NTM: variants seen among roughly 807,000 people sequenced by gnomAD.
NTM encodes the protein neurotrimin.
A neutral mutation model predicts 42.1 loss-of-function variants in NTM; 13 were observed. That is an observed-to-expected ratio of 0.31 (90% CI 0.20 to 0.49). NTM has a LOEUF of 0.49. NTM is among the 20% of genes least tolerant of loss of function. The pLI is 0.99. For missense variants in NTM, 373 were observed against 452.8 expected (o/e 0.82, Z 1.60); for synonymous variants, 187 against 179.2 (o/e 1.04, Z -0.35).
At chr11:132,215,805 G>C (rs1402744054) in intron 4 of NTM, among the ~76,000 whole-genome samples, 1 of 152,210 alleles carries the variant, frequency 6.6e-6, no homozygotes, top group East Asian at 1.9e-4. Flanking sequence ...TTTGAGATGG[G>C]CCGATGTTGT....
At chr11:131,706,411 A>G (rs992229567) in intron 1 of NTM, among the ~76,000 whole-genome samples, 1 of 152,076 alleles carries the variant, frequency 6.6e-6, no homozygotes, top group African/African-American at 2.4e-5. Flanking sequence ...CATTTACAAT[A>G]ATGTATAGCT....
intron 1 of NTM, among the ~76,000 whole-genome samples, chr11:131,635,096 C>T (rs1243294585): frequency 4.6e-5 from 7 of 152,276 alleles, no homozygotes; most frequent in East Asian, 1.9e-4. Flanking sequence ...TTGTAACCAT[C>T]GTAACGTCAT....
intron 1 of NTM, chr11:131,794,550 C>A (rs1481663303): frequency 1.4e-5 from 14 of 984,494 alleles, no homozygotes; most frequent in Non-Finnish European, 1.7e-5. Context: ...TTTACCTATT[C>A]ATTCACTGAG....
rs183723908 is a variant in NTM at position 131,579,420 on chromosome 11, A to G, written c.82+208532A>G. ...ATTCAAGAGTTCTGCATTACTGTAA[A>G]CCAGTCAGGCAGTCCCCTAGAGTAC... On this transcript the variant is annotated intron_variant, in intron 1 of 8. Coordinates refer to ENST00000683400, the MANE Select transcript of NTM (RefSeq NM_001352005.2). Among the ~76,000 whole-genome samples, 342 of 152,296 alleles carry G rather than the reference A, an allele frequency of 2.2e-3. 1 individual carries two copies. Among genetic ancestry groups the G allele is most frequent in the South Asian group, 3.9e-3 (19 of 4,822 alleles).
intron 1 of NTM, among the ~76,000 whole-genome samples, chr11:131,384,787 A>C (rs1191058726): frequency 1.3e-5 from 2 of 152,230 alleles, no homozygotes; most frequent in African/African-American, 4.8e-5. Flanking sequence ...GAGAATATGC[A>C]TTATGATTAG....
At chr11:132,117,600 G>T (rs967860339) in intron 2 of NTM, among the ~76,000 whole-genome samples, 1 of 152,152 alleles carries the variant, frequency 6.6e-6, no homozygotes, top group African/African-American at 2.4e-5. Flanking sequence ...GCTAAAATCT[G>T]TTGGGCTGAT....
intron 1 of NTM, among the ~76,000 whole-genome samples, chr11:131,769,219 C>T (rs1314093753): frequency 6.6e-6 from 1 of 152,176 alleles, no homozygotes; most frequent in Non-Finnish European, 1.5e-5. Flanking sequence ...ATTTTATTCC[C>T]ACCTCAAAAT....
chr11:131,973,674 A>C (rs1257930356), intron 2 of NTM, among the ~76,000 whole-genome samples: 1 of 152,104 alleles, frequency 6.6e-6, no homozygotes, highest in African/African-American at 2.4e-5. Flanking sequence ...AAAATTAGCC[A>C]GATGTGGTGG....
intron 1 of NTM, among the ~76,000 whole-genome samples, chr11:131,836,369 T>C (rs1445399617): frequency 6.6e-6 from 1 of 152,206 alleles, no homozygotes; most frequent in East Asian, 1.9e-4. Context: ...TTAAATCTTC[T>C]TGGATCTAAA....
intron 1 of NTM, among the ~76,000 whole-genome samples, chr11:131,562,238 G>A (rs2056330904): frequency 6.6e-6 from 1 of 152,074 alleles, no homozygotes; most frequent in African/African-American, 2.4e-5. Flanking sequence ...CAGTGGGGGA[G>A]GTGAAGTGTA....
chr11:132,323,457 T>C (rs1413307184), intron 7 of NTM, among the ~76,000 whole-genome samples: 2 of 150,730 alleles, frequency 1.3e-5, no homozygotes, highest in Non-Finnish European at 3.0e-5. Flanking sequence ...ACACATACAC[T>C]CTCCCAAGAC....
intron 7 of NTM, 144 bp downstream of exon 7, chr11:132,314,847 CAGAAAGAAATGG>C: frequency 7.2e-7 from 1 of 1,385,868 alleles, no homozygotes; most frequent in Non-Finnish European, 9.3e-7. Flanking sequence ...GAGAGAGACA[CAGAAAGAAATGG>C]AGAGAGAGGG....
intron 1 of NTM, among the ~76,000 whole-genome samples, chr11:131,428,291 TAGCTGAG>T (rs1292089591): frequency 1.3e-5 from 2 of 152,214 alleles, no homozygotes; most frequent in Non-Finnish European, 2.9e-5. Flanking sequence ...TCACACTTCT[TAGCTGAG>T]CACGTGAACA....
chr11:132,220,263 A>C (rs551059459), intron 4 of NTM, among the ~76,000 whole-genome samples: 5 of 152,234 alleles, frequency 3.3e-5, no homozygotes, highest in Admixed American at 3.3e-4. Context: ...AACTCCTTAC[A>C]TAAGTGGCTT....
At chr11:131,798,592 G>A (rs2091831627) in intron 1 of NTM, among the ~76,000 whole-genome samples, 1 of 152,172 alleles carries the variant, frequency 6.6e-6, no homozygotes, top group South Asian at 2.1e-4. Flanking sequence ...CTTTTAAAAG[G>A]AGACGCAATA....
intron 2 of NTM, among the ~76,000 whole-genome samples, chr11:131,924,999 A>T (rs1486030826): frequency 6.6e-6 from 1 of 152,188 alleles, no homozygotes; most frequent in African/African-American, 2.4e-5. Context: ...TTTCAAACGG[A>T]AGTCTCAAAT....
At chr11:132,155,064 A>C (rs2072869734) in intron 3 of NTM, among the ~76,000 whole-genome samples, 1 of 152,260 alleles carries the variant, frequency 6.6e-6, no homozygotes, top group Middle Eastern at 3.4e-3. Context: ...TCACTTGGCA[A>C]GTAGTGCTTT....
intron 4 of NTM, among the ~76,000 whole-genome samples, chr11:132,226,846 T>G (rs1364780020): frequency 6.6e-6 from 1 of 152,194 alleles, no homozygotes; most frequent in Non-Finnish European, 1.5e-5. Context: ...GAGAAAGAGC[T>G]CAGTATTAAG....
rs143290571 is a variant in NTM at position 131,655,564 on chromosome 11, A to C, written c.83-256000A>C. On this transcript the variant is annotated intron_variant, in intron 1 of 8. Coordinates refer to ENST00000683400, the MANE Select transcript of NTM (RefSeq NM_001352005.2). ...GCTGCTCTCAGCTGCTTTGCTGTAA[A>C]AGACACGTATGGGAGGCTGTGGGCT... is the stretch of plus-strand genomic sequence containing the variant. Among the ~76,000 whole-genome samples, 194 of 152,278 alleles carry C rather than the reference A, an allele frequency of 1.3e-3. 1 individual carries two copies. Among genetic ancestry groups the C allele is most frequent in the African/African-American group, 4.5e-3 (187 of 41,548 alleles).
Sources: allele counts gnomAD v4.1 joint callset (sites outside exome capture counted in the v4.1 genomes callset), GRCh38; gene constraint gnomAD v4.1.1; transcripts MANE v1.5; gene names NCBI Gene and HGNC (gene_info 2026-07-23, HGNC 2026-07-21).